The following ZSWIM4 variants were observed in gnomAD, a reference collection of about 807,000 sequenced individuals.
The protein encoded by ZSWIM4 is zinc finger SWIM-type containing 4.
A neutral mutation model predicts 102.5 loss-of-function variants in ZSWIM4; 62 were observed. That is an observed-to-expected ratio of 0.60 (90% CI 0.49 to 0.75). The LOEUF is 0.75. Among genes scored for constraint, ZSWIM4 ranks in the 30% least tolerant of loss-of-function variants. The pLI is 0.00. For synonymous variants in ZSWIM4, 652 were observed against 674.5 expected (o/e 0.97, Z 0.52); for missense variants, 1,280 against 1,529.6 (o/e 0.84, Z 2.72).
rs1974595677 is a variant in ZSWIM4, at chr19:13,795,824, G to A, written c.153+23G>A. 5.7e-6 allele frequency: 7 copies of A among 1,229,838 alleles called. No individual in the cohort carries two copies. In the East Asian group the frequency reaches 1.8e-4, roughly 32 times the overall value. 76.2% of individuals were successfully genotyped at this position (1,229,838 alleles called of 1,614,324 possible). A position where few individuals can be genotyped will look rare whatever the true frequency, so the allele number is the denominator to read the frequency against. On this transcript the variant is annotated intron_variant, in intron 1 of 13. Transcript: ENST00000590508. Reference sequence around the variant, plus strand: ...CAGGTGACCGCGGGGGAAGGGGGCGGGGGCAGGGACGCACCCCCAGCACCT... The same window carrying A: ...CAGGTGACCGCGGGGGAAGGGGGCGAGGGCAGGGACGCACCCCCAGCACCT...
intron 9 of ZSWIM4, among the ~76,000 whole-genome samples, chr19:13,818,330 C>G (rs1417894272): frequency 6.6e-6 from 1 of 152,230 alleles, no homozygotes; most frequent in Non-Finnish European, 1.5e-5. Context: ...TTGGCCCCGC[C>G]AATGGCCAGG....
Position 13,809,102 on chromosome 19 carries a change from C to T in ZSWIM4, c.894C>T (p.Asn298=), listed in dbSNP as rs369027545. The change falls in exon 5 of 14, where the codon AAC becomes AAT. Residue 298 remains asparagine (N), a synonymous_variant. Coordinates refer to ENST00000590508, the MANE Select transcript of ZSWIM4 (RefSeq NM_001367834.3). The surrounding 1 kb of genome is among the most constrained non-coding windows in gnomAD (Gnocchi z 4.2). ...AGATGCTGCGAATGCGGGACTCCAA[C>T]GGGGCGCGCATGCTGATTCTCATGA... ...VREMLRMRDS[N]GARMLILMTE... is the part of the protein sequence containing the mutation. 4 of 1,613,642 alleles carry T rather than the reference C, an allele frequency of 2.5e-6. No individual in the cohort carries two copies. Among genetic ancestry groups the T allele is most frequent in the Admixed American group, 1.7e-5 (1 of 60,004 alleles).
chr19:13,817,711 G>A lies in ZSWIM4; in HGVS notation c.1670-11G>A. 11 of 1,607,494 alleles carry A rather than the reference G, an allele frequency of 6.8e-6. No homozygotes were observed. Among genetic ancestry groups the A allele is most frequent in the Non-Finnish European group, 9.3e-6 (11 of 1,177,810 alleles). The stretch of plus-strand genomic sequence containing the variant: ...ATCCGTCTCCAGCAGCCCTGGCCCT[G>A]TCTCCCCCAGACTCAGGCCCCGAGA... On this transcript the variant is annotated splice_polypyrimidine_tract_variant and intron_variant, in intron 8 of 13. Transcript: ENST00000590508.
Position 13,799,725 on chromosome 19 carries a change from G to A in ZSWIM4, c.159G>A (p.Glu53=), listed in dbSNP as rs28480458. The A allele has an allele frequency of 0.072, 116,976 of 1,613,780 alleles. 4,678 individuals are homozygous for A. Among genetic ancestry groups the A allele is most frequent in the African/African-American group, 0.15 (11,133 of 74,996 alleles). The change falls in exon 2 of 14, where the codon GAG becomes GAA. Residue 53 remains glutamate (E), a synonymous_variant. Transcript: ENST00000590508. The part of the protein sequence containing the change: ...VAESWAFEQV[E]ERFSRVPEPV... The stretch of plus-strand genomic sequence containing the variant: ...CCCACTGGCCCTTCCTACAGGTGGA[G>A]GAGCGGTTCTCCCGGGTGCCTGAGC...
At chr19:13,819,856 T>G (rs2145352674) in intron 10 of ZSWIM4, among the ~76,000 whole-genome samples, 1 of 146,376 alleles carries the variant, frequency 6.8e-6, no homozygotes, top group East Asian at 2.0e-4. Context: ...TGTTTTTTTT[T>G]TTTTTGAGAC....
intron 3 of ZSWIM4, among the ~76,000 whole-genome samples, chr19:13,807,185 G>A (rs1974941519): frequency 6.6e-6 from 1 of 152,004 alleles, no homozygotes; most frequent in South Asian, 2.1e-4. Context: ...AGATAAAAGG[G>A]GTGAGTGGGC....
intron 2 of ZSWIM4, among the ~76,000 whole-genome samples, chr19:13,800,775 G>T (rs889257276): frequency 3.9e-5 from 6 of 152,146 alleles, no homozygotes; most frequent in African/African-American, 1.2e-4. Flanking sequence ...TTAGACAAGG[G>T]GTTGGGGGAG....
Position 13,830,954 on chromosome 19 carries a change from C to T in ZSWIM4, c.3225C>T (p.Asp1075=), listed in dbSNP as rs1051013777. Residue 1075 remains aspartate, a synonymous_variant, in exon 14 of 14, where the codon GAC becomes GAT. Transcript: ENST00000590508. ...GGGAGACCTTCCTGCTGGCGCCCGA[C>T]GGGCACCTCCAGTTCTCACAGTTCT... The part of the protein sequence containing the change: ...KARETFLLAP[D]GHLQFSQFLE... 6.2e-7 allele frequency: 1 copy of T among 1,614,198 alleles called. No individual in the cohort carries two copies. The highest frequency in any genetic ancestry group is 8.5e-7 in the Non-Finnish European group (1 of 1,180,034).
Position 13,830,453 on chromosome 19 carries a change from C to G in ZSWIM4, c.2724C>G (p.Ile908Met), listed in dbSNP as rs1162271121. 9.3e-6 allele frequency: 15 copies of G among 1,606,874 alleles called. No homozygotes were observed. Among genetic ancestry groups the G allele is most frequent in the Non-Finnish European group, 1.3e-5 (15 of 1,179,878 alleles). Residue 908 changes from isoleucine to methionine, a missense_variant, in exon 14 of 14, where the codon ATC becomes ATG. Coordinates refer to ENST00000590508, the MANE Select transcript of ZSWIM4 (RefSeq NM_001367834.3). Reference protein sequence around the residue: ...NHSAFEAAYQIVLDAAAGGLG... With the variant: ...NHSAFEAAYQMVLDAAAGGLG... ...CGGCCTTCGAGGCGGCCTACCAGAT[C>G]GTGCTGGACGCGGCGGCCGGCGGCC...
At position 13,825,835 on chromosome 19, in the gene ZSWIM4, G is replaced by A. The variant is rs1428141923; in HGVS notation, c.2379+122G>A. 7.7e-6 allele frequency: 10 copies of A among 1,299,514 alleles called. No individual in the cohort carries two copies. The highest frequency in any genetic ancestry group is 5.9e-5 in the African/African-American group (4 of 67,678). 80.5% of individuals were successfully genotyped at this position (1,299,514 alleles called of 1,614,324 possible). On this transcript the variant is annotated intron_variant, in intron 12 of 13. Transcript: ENST00000590508. This position sits in a 1 kb window ranked among gnomAD's most constrained non-coding sequence, Gnocchi z 4.6. ...ACTTCGCTGGGGGCCCGGCATTTGC[G>A]TGAGCTATTCCTCTGTGGCTGGGGA...
chr19:13,801,489 C>T (rs1974769783), intron 2 of ZSWIM4, among the ~76,000 whole-genome samples: 1 of 152,036 alleles, frequency 6.6e-6, no homozygotes, highest in African/African-American at 2.4e-5. Context: ...AAGAATGATC[C>T]TAGACCTCAG....
Position 13,825,483 on chromosome 19 carries a change from C to T in ZSWIM4, c.2216-67C>T, listed in dbSNP as rs1405481245. On this transcript the variant is annotated intron_variant, in intron 11 of 13. Transcript: ENST00000590508. This position sits in a 1 kb window ranked among gnomAD's most constrained non-coding sequence, Gnocchi z 4.6. ...GGTGGAAGGATCTGTGTGAACAGGT[C>T]GGGTGGTGGTCAGAGGCTGGTGCTG... 9.0e-6 allele frequency: 14 copies of T among 1,558,570 alleles called. No individual in the cohort carries two copies. The highest frequency in any genetic ancestry group is 4.1e-5 in the African/African-American group (3 of 74,044).
Position 13,814,854 on chromosome 19 carries a change from AG to A in ZSWIM4, c.1521del (p.Gln507HisfsTer180). ...CGGCATCAGCTAGAGAGCTACAAGC[AG>A]CAGAAAAAAGGTCAGCCTCAGCCGG... ...QQRHQLESYK[Q>X]QKKELLQKGS... On this transcript the variant is annotated frameshift_variant, in exon 7 of 14. Coordinates refer to ENST00000590508, the MANE Select transcript of ZSWIM4 (RefSeq NM_001367834.3). LOFTEE classifies it high-confidence loss of function. The A allele has an allele frequency of 8.0e-7, 1 of 1,249,788 alleles. No individual in the cohort carries two copies. Among genetic ancestry groups the A allele is most frequent in the Non-Finnish European group, 1.0e-6 (1 of 959,226 alleles). The allele number at this position is 1,249,788 out of a possible 1,614,324, so 77.4% of individuals were successfully genotyped here.
intron 10 of ZSWIM4, 121 bp downstream of exon 10, chr19:13,819,613 C>G: frequency 9.3e-7 from 1 of 1,070,134 alleles, no homozygotes; most frequent in Non-Finnish European, 1.3e-6. Context: ...TTCAGTCTCT[C>G]TCACCCTGGC....
chr19:13,801,788 C>T (rs1011040499), intron 2 of ZSWIM4, among the ~76,000 whole-genome samples: 3 of 151,018 alleles, frequency 2.0e-5, no homozygotes, highest in African/African-American at 4.9e-5. Context: ...ACCCCTGCCT[C>T]GGCCTCCCTA....
At chr19:13,830,149 GC>G in intron 13 of ZSWIM4, 41 bp from the exon 14 acceptor site, 4 of 1,582,628 alleles carry the variant, frequency 2.5e-6, no homozygotes, top group Non-Finnish European at 3.4e-6. Flanking sequence ...ACGTGTGTCT[GC>G]CCCCGCTCCT....
chr19:13,809,188 C>G lies in ZSWIM4; in HGVS notation c.980C>G (p.Thr327Arg), dbSNP rs746661524. The G allele has an allele frequency of 2.5e-6, 4 of 1,611,100 alleles. No homozygotes were observed. Among genetic ancestry groups the G allele is most frequent in the Non-Finnish European group, 3.4e-6 (4 of 1,178,824 alleles). Residue 327 changes from threonine (T) to arginine (R), a missense_variant, in exon 5 of 14, where the codon ACG becomes AGG. Transcript: ENST00000590508. The surrounding 1 kb of genome is among the most constrained non-coding windows in gnomAD (Gnocchi z 4.2). ...ALWRQQGAGM[T>R]DKCRQLWDEL... ...TGGCGGCAGCAGGGCGCGGGCATGA[C>G]GGACAAGTGCCGGCAGCTCTGGGAT...
Position 13,830,858 on chromosome 19 carries a change from C to A in ZSWIM4, c.3129C>A (p.Thr1043=). 1 of 1,613,520 alleles carries A rather than the reference C, an allele frequency of 6.2e-7. No homozygotes were observed. Among genetic ancestry groups the A allele is most frequent in the South Asian group, 1.1e-5 (1 of 91,004 alleles). ...LDAAVTAYIT[T]SHSRLTHISP... ...CGGCAGTCACCGCCTACATCACCAC[C>A]AGCCACTCGCGCCTCACGCACATCA... The change falls in exon 14 of 14, where the codon ACC becomes ACA. Residue 1043 remains threonine, a synonymous_variant. Transcript: ENST00000590508.
intron 1 of ZSWIM4, 46 bp downstream of exon 1, chr19:13,795,847 C>A: frequency 8.6e-7 from 1 of 1,158,804 alleles, no homozygotes; most frequent in Non-Finnish European, 1.1e-6. Flanking sequence ...ACCCCCAGCA[C>A]CTTCCCCACC....
Sources: allele counts gnomAD v4.1 joint callset (sites outside exome capture counted in the v4.1 genomes callset), GRCh38; gene constraint gnomAD v4.1.1; non-coding constraint Gnocchi (gnomAD v3.1); transcripts MANE v1.5; gene names NCBI Gene and HGNC (gene_info 2026-07-23, HGNC 2026-07-21).